The following P2RY10 variants were observed in gnomAD, a reference collection of about 807,000 sequenced individuals.
The protein encoded by P2RY10 is putative P2Y purinoceptor 10.
P2RY10 carries 4 observed loss-of-function variants against 12.1 expected under a neutral mutation model. That is an observed-to-expected ratio of 0.33 (90% confidence interval 0.16 to 0.76). P2RY10 has a LOEUF of 0.76. Among genes scored for constraint, P2RY10 ranks in the 30% least tolerant of loss-of-function variants. P2RY10 has a pLI of 0.61. For synonymous variants in P2RY10, 112 were observed against 94.1 expected (o/e 1.19, Z -1.10); for missense variants, 233 against 264.6 (o/e 0.88, Z 0.83).
At chrX:78,958,423 G>T (rs1922448448) in intron 3 of P2RY10, among the ~76,000 whole-genome samples, 1 of 112,086 alleles carries the variant, frequency 8.9e-6, no homozygotes, top group South Asian at 3.7e-4. Flanking sequence ...CTACTAAGTA[G>T]TCTCTCCTAG....
chrX:78,958,291 C>T (rs977523148), intron 3 of P2RY10, among the ~76,000 whole-genome samples: 1 of 112,423 alleles, frequency 8.9e-6, no homozygotes, highest in African/African-American at 3.2e-5. Context: ...AGCTGGAGGC[C>T]ATTATTCTAA....
At chrX:78,958,778 A>G (rs944424786) in intron 3 of P2RY10, among the ~76,000 whole-genome samples, 1 of 112,070 alleles carries the variant, frequency 8.9e-6, no homozygotes, top group Non-Finnish European at 1.9e-5. Context: ...AGATGACTGC[A>G]TGACTGTTTA....
intron 3 of P2RY10, among the ~76,000 whole-genome samples, chrX:78,953,967 C>T: frequency 8.9e-6 from 1 of 112,201 alleles, no homozygotes; most frequent in South Asian, 3.8e-4. Flanking sequence ...CCGGCTCAAG[C>T]GATCCTCCCA....
intron 1 of P2RY10, among the ~76,000 whole-genome samples, chrX:78,946,577 T>G (rs971057183): frequency 4.5e-5 from 5 of 112,091 alleles, no homozygotes; most frequent in African/African-American, 1.6e-4. Context: ...GTTGTTCAAA[T>G]GGATGTGTGG....
In P2RY10 at chrX:78,962,648, C is replaced by T. The variant is rs779285557; in HGVS notation, c.*1108C>T. Among the ~76,000 whole-genome samples the T allele has an allele frequency of 1.6e-4, 18 of 111,193 alleles. No homozygotes were observed. The highest frequency in any genetic ancestry group is 4.8e-4 in the Admixed American group (5 of 10,442). On this transcript the variant is annotated 3_prime_UTR_variant, in exon 4 of 4. Transcript: ENST00000171757. ...CAAGGTCTTAAGTGGTAAATAGATGCGTTGTCCTAATACTGTTCCAAGGTA... is the reference window on the plus strand; with the variant it reads ...CAAGGTCTTAAGTGGTAAATAGATGTGTTGTCCTAATACTGTTCCAAGGTA...
At chrX:78,955,527 A>G (rs1177775357) in intron 3 of P2RY10, among the ~76,000 whole-genome samples, 3 of 112,232 alleles carry the variant, frequency 2.7e-5, no homozygotes, top group Admixed American at 9.4e-5. Flanking sequence ...GAGGCTTGGT[A>G]ACAGAGTTGG....
rs1447593704 is a variant in P2RY10 at position 78,960,676 on chromosome X, C to T, written c.156C>T (p.Asn52=). The T allele has an allele frequency of 8.3e-7, 1 of 1,211,466 alleles. No individual in the cohort carries two copies. Among genetic ancestry groups the T allele is most frequent in the Admixed American group, 2.2e-5 (1 of 46,053 alleles). The part of the protein sequence containing the change: ...ILIFIPGLLA[N]SAALWVLCRF... ...TATTCATTCCTGGTCTTCTGGCTAA[C>T]AGTGCAGCCTTGTGGGTTCTGTGCC... Residue 52 remains asparagine (N), a synonymous_variant, in exon 4 of 4, where the codon AAC becomes AAT. Transcript: ENST00000171757.
chrX:78,960,422 C>A, intron 3 of P2RY10, 86 bp from the exon 4 acceptor site: 2 of 671,668 alleles, frequency 3.0e-6, no homozygotes, highest in East Asian at 3.4e-5. Flanking sequence ...ATAGTCTGTG[C>A]CTCTGTAAGT....
rs1231910126 is a variant in P2RY10, at chrX:78,963,644, T to A, written c.*2104T>A. 8.9e-6 allele frequency among the ~76,000 whole-genome samples: 1 copy of A among 112,586 alleles called. No individual in the cohort carries two copies. The highest frequency in any genetic ancestry group is 1.9e-5 in the Non-Finnish European group (1 of 53,308). ...TATTTTGACTACCATTTAAGTGGAA[T>A]CTTTGAACTTTTTTTTTGACATGTG... On this transcript the variant is annotated 3_prime_UTR_variant, in exon 4 of 4. Coordinates refer to ENST00000171757, the MANE Select transcript of P2RY10 (RefSeq NM_014499.4).
chrX:78,950,602 C>A lies in P2RY10; in HGVS notation c.-156-1591C>A, dbSNP rs1016085718. Among the ~76,000 whole-genome samples, 11 of 111,396 alleles carry A rather than the reference C, an allele frequency of 9.9e-5. No homozygotes were observed. The Admixed American group carries it at 1.1e-3, about 11-fold the overall frequency. On this transcript the variant is annotated intron_variant, in intron 2 of 3. Transcript: ENST00000171757. ...ATAATTTGAATTCATAAGCACAATT[C>A]CATAAAGAACGTTGGTTTTGATATA...
At chrX:78,946,592 A>T (rs1192710430) in intron 1 of P2RY10, among the ~76,000 whole-genome samples, 1 of 112,266 alleles carries the variant, frequency 8.9e-6, no homozygotes, top group African/African-American at 3.2e-5. Context: ...GTGTGGAGTC[A>T]TTATGATGTA....
chrX:78,960,689 T>G lies in P2RY10; in HGVS notation c.169T>G (p.Trp57Gly). The change falls in exon 4 of 4, where the codon TGG becomes GGG. Residue 57 changes from tryptophan to glycine, a missense_variant. Coordinates refer to ENST00000171757, the MANE Select transcript of P2RY10 (RefSeq NM_014499.4). Reference protein sequence around the residue: ...PGLLANSAALWVLCRFISKKN... With the variant: ...PGLLANSAALGVLCRFISKKN... ...TCTTCTGGCTAACAGTGCAGCCTTG[T>G]GGGTTCTGTGCCGCTTCATCAGCAA... 6 of 1,211,201 alleles carry G rather than the reference T, an allele frequency of 5.0e-6. No homozygotes were observed. The highest frequency in any genetic ancestry group is 2.2e-6 in the Non-Finnish European group (2 of 894,948).
chrX:78,953,133 T>C (rs1922182062), intron 3 of P2RY10, among the ~76,000 whole-genome samples: 1 of 112,519 alleles, frequency 8.9e-6, no homozygotes, highest in Non-Finnish European at 1.9e-5. Flanking sequence ...TAACCTGCGA[T>C]TAGGGCCTTG....
intron 1 of P2RY10, among the ~76,000 whole-genome samples, chrX:78,946,599 T>C (rs193123749): frequency 8.9e-6 from 1 of 112,347 alleles, no homozygotes; most frequent in African/African-American, 3.2e-5. Flanking sequence ...GTCATTATGA[T>C]GTATATTAAT....
Position 78,960,803 on chromosome X carries a change from A to G in P2RY10, c.283A>G (p.Ile95Val). The G allele has an allele frequency of 8.3e-7, 1 of 1,211,338 alleles. No homozygotes were observed. The highest frequency in any genetic ancestry group is 1.1e-6 in the Non-Finnish European group (1 of 895,174). ...LSLPLRIYYY[I>V]SHHWPFQRAL... ...TTTACCCCTCCGGATTTACTATTAC[A>G]TCAGCCACCACTGGCCTTTCCAGAG... Residue 95 changes from isoleucine to valine, a missense_variant, in exon 4 of 4, where the codon ATC becomes GTC. Physicochemically the swap from Ile to Val is conservative, Grantham distance 29 (BLOSUM62 3). Transcript: ENST00000171757.
intron 3 of P2RY10, among the ~76,000 whole-genome samples, chrX:78,959,810 A>G (rs1260515042): frequency 8.9e-6 from 1 of 112,030 alleles, no homozygotes; most frequent in Non-Finnish European, 1.9e-5. Context: ...GATTATATGA[A>G]GGAAAATACT....
Position 78,952,209 on chromosome X carries a change from G to C in P2RY10, c.-140G>C, listed in dbSNP as rs756553084. 2.7e-6 allele frequency: 2 copies of C among 749,164 alleles called. No homozygotes were observed. Among genetic ancestry groups the C allele is most frequent in the African/African-American group, 4.6e-5 (2 of 43,109 alleles). 61.7% of individuals were successfully genotyped at this position (749,164 alleles called of 1,213,427 possible). ...TCTTATTAGGTTAAAACTCTATGCT[G>C]GTCATTCCCTTCAGGATTTGGCACT... On this transcript the variant is annotated 5_prime_UTR_variant, in exon 3 of 4. Transcript: ENST00000171757.
chrX:78,963,223 A>C lies in P2RY10; in HGVS notation c.*1683A>C, dbSNP rs5959211. Among the ~76,000 whole-genome samples the C allele has an allele frequency of 0.41, 45,508 of 110,976 alleles. 7,275 individuals are homozygous for C. Among genetic ancestry groups the C allele is most frequent in the Non-Finnish European group, 0.51 (26,826 of 52,787 alleles). On this transcript the variant is annotated 3_prime_UTR_variant, in exon 4 of 4. Coordinates refer to ENST00000171757, the MANE Select transcript of P2RY10 (RefSeq NM_014499.4). ...GTTCTGAGAATATTCATTTGAACAGAGTGACTATGGAAGAATGAATAGCAA... is the reference window on the plus strand; with the variant it reads ...GTTCTGAGAATATTCATTTGAACAGCGTGACTATGGAAGAATGAATAGCAA...
At position 78,960,616 on chromosome X, in the gene P2RY10, T is replaced by C; in HGVS notation, c.96T>C (p.Phe32=). Residue 32 remains phenylalanine, a synonymous_variant, in exon 4 of 4, where the codon TTT becomes TTC. Transcript: ENST00000171757. ...ACTGTAATGTCACTAATGTGAAATT[T>C]CAATACTCCCTCTATGCAACCACCT... ...EIYCNVTNVK[F]QYSLYATTYI... is the part of the protein sequence containing the mutation. The C allele has an allele frequency of 8.3e-7, 1 of 1,208,515 alleles. No individual in the cohort carries two copies. The highest frequency in any genetic ancestry group is 1.1e-6 in the Non-Finnish European group (1 of 892,575).
Sources: gnomAD v4.1 joint callset for allele counts (sites outside exome capture counted in the v4.1 genomes callset) on GRCh38, gnomAD v4.1.1 for gene constraint, MANE v1.5 for transcripts, NCBI Gene and HGNC (gene_info 2026-07-23, HGNC 2026-07-21) for gene names.